The following WDFY4 variants were observed in gnomAD, a reference collection of about 807,000 sequenced individuals.
WDFY4 encodes WD repeat- and FYVE domain-containing protein 4.
WDFY4 carries 169 observed loss-of-function variants against 351.9 expected under a neutral mutation model. That is an observed-to-expected ratio of 0.48 (90% CI 0.42 to 0.55). The LOEUF (loss-of-function observed/expected upper bound fraction) is 0.55, where lower values mean the gene tolerates loss of function less well. WDFY4 is among the 20% of genes least tolerant of loss of function. The pLI, the probability that WDFY4 is intolerant of heterozygous loss-of-function variation, is 0.00. For missense variants in WDFY4, 3,803 were observed against 3,935.6 expected, an observed-to-expected ratio of 0.97 and a Z score of 0.90; for synonymous variants, 1,622 against 1,574.6, an observed-to-expected ratio of 1.03 and a Z score of -0.71.
At chr10:48,939,416 C>A (rs1840627565) in intron 47 of WDFY4, among the ~76,000 whole-genome samples, 1 of 152,202 alleles carries the variant, frequency 6.6e-6, no homozygotes, top group African/African-American at 2.4e-5. Context: ...GAGCGGCTTG[C>A]TGTCTTGCTC....
intron 47 of WDFY4, among the ~76,000 whole-genome samples, chr10:48,925,212 CCTAA>C (rs1383378832): frequency 6.6e-6 from 1 of 152,224 alleles, no homozygotes; most frequent in South Asian, 2.1e-4. Context: ...GGCCAGCTCA[CCTAA>C]CTGTGACCTC....
At chr10:48,872,371 G>A (rs1191756005) in intron 40 of WDFY4, among the ~76,000 whole-genome samples, 1 of 152,188 alleles carries the variant, frequency 6.6e-6, no homozygotes, top group Non-Finnish European at 1.5e-5. Flanking sequence ...CCACCTGTTG[G>A]CTTTGGAGAA....
chr10:48,902,349 G>A (rs765708560), intron 47 of WDFY4, among the ~76,000 whole-genome samples: 17 of 152,142 alleles, frequency 1.1e-4, no homozygotes, highest in South Asian at 6.2e-4. Flanking sequence ...AGTCCCCCCC[G>A]CCGCCGCCAG....
intron 47 of WDFY4, among the ~76,000 whole-genome samples, chr10:48,903,328 G>A (rs896976169): frequency 1.3e-5 from 2 of 152,292 alleles, no homozygotes; most frequent in African/African-American, 4.8e-5. Flanking sequence ...GCAGAGGGTT[G>A]ATGTGAACTG....
chr10:48,691,198 A>G (rs1441049270), intron 1 of WDFY4, among the ~76,000 whole-genome samples: 1 of 152,048 alleles, frequency 6.6e-6, no homozygotes, highest in Non-Finnish European at 1.5e-5. Flanking sequence ...CCACTGGGGC[A>G]GAGCTAATCA....
intron 1 of WDFY4, among the ~76,000 whole-genome samples, chr10:48,687,301 C>G (rs182567704): frequency 6.6e-6 from 1 of 151,938 alleles, no homozygotes; most frequent in Admixed American, 6.6e-5. Flanking sequence ...TTTGTTGGTG[C>G]CTTGTCTCCT....
chr10:48,889,883 G>GCTCT (rs1199587816), intron 43 of WDFY4, among the ~76,000 whole-genome samples: 1 of 152,234 alleles, frequency 6.6e-6, no homozygotes, highest in African/African-American at 2.4e-5. Flanking sequence ...TTGAGCCAGA[G>GCTCT]GGGCTAAGCC....
At chr10:48,786,358 T>A (rs1168997875) in intron 19 of WDFY4, among the ~76,000 whole-genome samples, 1 of 152,222 alleles carries the variant, frequency 6.6e-6, no homozygotes, top group Non-Finnish European at 1.5e-5. Context: ...ACATTCAGGT[T>A]CTTAGTAGAA....
chr10:48,839,001 A>G (rs1028882977), intron 39 of WDFY4, among the ~76,000 whole-genome samples: 1 of 152,202 alleles, frequency 6.6e-6, no homozygotes, highest in African/African-American at 2.4e-5. Context: ...CTGCAGTTTC[A>G]GGAAGAAAGG....
At chr10:48,843,299 A>G (rs894582526) in intron 39 of WDFY4, among the ~76,000 whole-genome samples, 4 of 152,208 alleles carry the variant, frequency 2.6e-5, no homozygotes, top group Non-Finnish European at 4.4e-5. Flanking sequence ...TATGCCATAT[A>G]TGAAGGCTGT....
intron 24 of WDFY4, among the ~76,000 whole-genome samples, chr10:48,797,837 A>AT (rs2066925372): frequency 6.6e-6 from 1 of 152,240 alleles, no homozygotes; most frequent in African/African-American, 2.4e-5. Flanking sequence ...TAGATTGTTG[A>AT]TAAGTTTTAC....
At chr10:48,933,380 A>G (rs996251616) in intron 47 of WDFY4, among the ~76,000 whole-genome samples, 1 of 152,230 alleles carries the variant, frequency 6.6e-6, no homozygotes, top group Non-Finnish European at 1.5e-5. Context: ...GACTGGAGCC[A>G]GCATCTCTCT....
rs3750869 is a variant in WDFY4 at position 48,963,692 on chromosome 10, C to A, written c.8224-150C>A. The stretch of plus-strand genomic sequence containing the variant: ...CCCTCGGGTGGCTGGCTCATCCTGC[C>A]TCTTTGTGCTCATCAAGCCCAGGGG... On this transcript the variant is annotated intron_variant, in intron 53 of 61. Coordinates refer to ENST00000325239, the MANE Select transcript of WDFY4 (RefSeq NM_001394531.1). The A allele has an allele frequency of 9.3e-4, 819 of 883,490 alleles. 9 individuals carry two copies. In the East Asian group the frequency reaches 0.02, roughly 22 times the overall value. 54.7% of individuals were successfully genotyped at this position (883,490 alleles called of 1,614,324 possible).
chr10:48,783,375 T>A (rs907075549), intron 19 of WDFY4, among the ~76,000 whole-genome samples: 3 of 152,146 alleles, frequency 2.0e-5, no homozygotes, highest in African/African-American at 7.2e-5. Context: ...TTTTTTATTG[T>A]TCTTTTTCCT....
intron 2 of WDFY4, among the ~76,000 whole-genome samples, chr10:48,719,697 C>A (rs1331740288): frequency 1.3e-5 from 2 of 152,198 alleles, no homozygotes; most frequent in Admixed American, 6.5e-5. Context: ...ATGGGGGCAG[C>A]AGGCACCTGG....
At chr10:48,784,263 C>T (rs1259840409) in intron 19 of WDFY4, among the ~76,000 whole-genome samples, 1 of 152,140 alleles carries the variant, frequency 6.6e-6, no homozygotes, top group African/African-American at 2.4e-5. Flanking sequence ...AAGAAACTGC[C>T]AAACTATTTC....
intron 47 of WDFY4, chr10:48,913,349 C>T (rs1838181371): frequency 6.3e-7 from 1 of 1,576,680 alleles, no homozygotes; most frequent in East Asian, 2.2e-5. Context: ...CTCTTCCCTC[C>T]CTCTCTCTTT....
chr10:48,979,217 T>C (rs1842704460), intron 60 of WDFY4, among the ~76,000 whole-genome samples: 1 of 152,042 alleles, frequency 6.6e-6, no homozygotes, highest in Admixed American at 6.5e-5. Context: ...AGTTCACAGG[T>C]TCTGTTTCTC....
In WDFY4 at chr10:48,958,404, C is replaced by T. The variant is rs184147738; in HGVS notation, c.8131+1122C>T. 3.0e-3 allele frequency among the ~76,000 whole-genome samples: 461 copies of T among 152,238 alleles called. 2 individuals are homozygous for T. Among genetic ancestry groups the T allele is most frequent in the African/African-American group, 0.011 (447 of 41,552 alleles). On this transcript the variant is annotated intron_variant, in intron 52 of 61. Transcript: ENST00000325239. ...AGGGAGGGTGGCAGCCAGGAGGAGG[C>T]GGCTGGCCAGCCCGGGGTTAGAGCA...
Sources: gnomAD v4.1 joint callset for allele counts (sites outside exome capture counted in the v4.1 genomes callset) on GRCh38, gnomAD v4.1.1 for gene constraint, MANE v1.5 for transcripts, NCBI Gene and HGNC (gene_info 2026-07-23, HGNC 2026-07-21) for gene names.